Variants in VWA3B observed in about 807,000 individuals in gnomAD.
The protein encoded by VWA3B is von Willebrand factor A domain containing 3B, also known as von Willebrand factor A domain-containing protein 3B.
In VWA3B, 138 loss-of-function variants were observed where a neutral mutation model predicts 158.3. The ratio of observed to expected loss-of-function variants is 0.87; its 90% confidence interval spans 0.76 to 1.00. The LOEUF (loss-of-function observed/expected upper bound fraction) is 1.00. VWA3B is among the 50% of genes least tolerant of loss of function. The probability of loss-of-function intolerance (pLI) is 0.00; values close to 1 mark genes in which losing one functional copy is unlikely to be tolerated. For missense variants in VWA3B, 1,555 were observed against 1,565.1 expected (o/e 0.99, Z 0.11); for synonymous variants, 596 against 587.3 (o/e 1.01, Z -0.21).
chr2:98,318,056 A>AAAGT (rs1691126026), downstream of VWA3B, among the ~76,000 whole-genome samples: 2 of 152,342 alleles, frequency 1.3e-5, no homozygotes, highest in Admixed American at 6.5e-5. Flanking sequence ...GCTATTATTA[A>AAAGT]AAGTAAAGAA....
intron 7 of VWA3B, among the ~76,000 whole-genome samples, chr2:98,142,095 G>C (rs1196931542): frequency 6.6e-6 from 1 of 152,140 alleles, no homozygotes; most frequent in African/African-American, 2.4e-5. Flanking sequence ...CCACAGTTTG[G>C]AGACCCTAGG....
At chr2:98,173,080 G>A (rs1402184950) in intron 8 of VWA3B, among the ~76,000 whole-genome samples, 1 of 152,164 alleles carries the variant, frequency 6.6e-6, no homozygotes, top group African/African-American at 2.4e-5. Flanking sequence ...TTACCAACAG[G>A]ATGACTTGCA....
intron 19 of VWA3B, among the ~76,000 whole-genome samples, chr2:98,244,075 G>A (rs1341520651): frequency 1.3e-5 from 2 of 152,154 alleles, no homozygotes; most frequent in Admixed American, 6.5e-5. Flanking sequence ...GTTGTCAGGT[G>A]GAATTCGACC....
intron 12 of VWA3B, among the ~76,000 whole-genome samples, chr2:98,195,691 T>C (rs113807420): frequency 2.6e-5 from 4 of 152,274 alleles, no homozygotes; most frequent in African/African-American, 7.2e-5. Flanking sequence ...TATAATCTCA[T>C]TGCATAAAAA....
At chr2:98,134,130 C>A in intron 7 of VWA3B, 191 bp downstream of exon 7, 1 of 609,168 alleles carries the variant, frequency 1.6e-6, no homozygotes, top group Non-Finnish European at 2.9e-6. Context: ...CATAAGTTTA[C>A]AATCCAGGGA....
chr2:98,312,072 AG>A, intron 27 of VWA3B, 40 bp downstream of exon 27: 2 of 1,596,914 alleles, frequency 1.3e-6, no homozygotes, highest in Non-Finnish European at 1.7e-6. Context: ...CGCTTATCTC[AG>A]GAACACCCTG....
chr2:98,184,849 C>G (rs1308029834), intron 9 of VWA3B, among the ~76,000 whole-genome samples: 1 of 152,214 alleles, frequency 6.6e-6, no homozygotes, highest in Admixed American at 6.5e-5. Flanking sequence ...CTCCTTCTTC[C>G]CACGTCATCA....
chr2:98,278,279 T>C (rs1688652322), intron 22 of VWA3B, among the ~76,000 whole-genome samples: 1 of 152,212 alleles, frequency 6.6e-6, no homozygotes, highest in South Asian at 2.1e-4. Flanking sequence ...TGAGTACTTC[T>C]GGGTGCCGGC....
At chr2:98,111,221 C>T (rs1329539456) in intron 2 of VWA3B, among the ~76,000 whole-genome samples, 1 of 152,138 alleles carries the variant, frequency 6.6e-6, no homozygotes, top group Non-Finnish European at 1.5e-5. Flanking sequence ...TGAGTTATTT[C>T]ATTAAGAATA....
chr2:98,150,613 A>C (rs565383593), intron 7 of VWA3B, among the ~76,000 whole-genome samples: 1 of 152,272 alleles, frequency 6.6e-6, no homozygotes, highest in South Asian at 2.1e-4. Flanking sequence ...GTGGTGTCTA[A>C]AGACCCTTTT....
chr2:98,292,117 C>T (rs1049599017), intron 23 of VWA3B: 2 of 151,364 alleles, frequency 1.3e-5, no homozygotes, highest in African/African-American at 4.9e-5. Flanking sequence ...TAACCGGGCA[C>T]CTGTAGTCCC....
intron 7 of VWA3B, among the ~76,000 whole-genome samples, chr2:98,143,068 G>A (rs897697452): frequency 3.3e-5 from 5 of 152,132 alleles, no homozygotes; most frequent in African/African-American, 1.2e-4. Flanking sequence ...TTGAGAGGGA[G>A]TCTCTCTGTC....
downstream of VWA3B, among the ~76,000 whole-genome samples, chr2:98,315,672 T>C (rs1225532015): frequency 6.6e-6 from 1 of 152,138 alleles, no homozygotes; most frequent in Non-Finnish European, 1.5e-5. Flanking sequence ...CATTTCCACA[T>C]AGATGAAAAA....
At chr2:98,180,222 T>C (rs1391994449) in intron 8 of VWA3B, among the ~76,000 whole-genome samples, 1 of 151,804 alleles carries the variant, frequency 6.6e-6, no homozygotes, top group East Asian at 1.9e-4. Context: ...TTTGATGGAG[T>C]CTTGCTCTCT....
chr2:98,130,968 A>C (rs1190789800), intron 6 of VWA3B, among the ~76,000 whole-genome samples: 1 of 152,218 alleles, frequency 6.6e-6, no homozygotes, highest in Non-Finnish European at 1.5e-5. Flanking sequence ...TGAAATATAA[A>C]ATACACTGTT....
At chr2:98,262,351 G>C (rs979715508) in intron 21 of VWA3B, among the ~76,000 whole-genome samples, 5 of 151,754 alleles carry the variant, frequency 3.3e-5, no homozygotes, top group African/African-American at 1.2e-4. Flanking sequence ...ATCCAAAAAA[G>C]CTTGCCAAAT....
chr2:98,167,947 A>C (rs139670340), intron 8 of VWA3B, among the ~76,000 whole-genome samples: 2 of 152,220 alleles, frequency 1.3e-5, no homozygotes, highest in Non-Finnish European at 2.9e-5. Flanking sequence ...TTAAAGCAAG[A>C]CATGAAAAGA....
At chr2:98,246,160 A>G (rs563389444) in intron 19 of VWA3B, among the ~76,000 whole-genome samples, 1 of 152,258 alleles carries the variant, frequency 6.6e-6, no homozygotes, top group South Asian at 2.1e-4. Flanking sequence ...TAAAAGTCCT[A>G]TCTACCTTCT....
rs201469181 is a variant in VWA3B at position 98,248,879 on chromosome 2, C to A, written c.2674-1439C>A. On this transcript the variant is annotated intron_variant, in intron 19 of 27. Coordinates refer to ENST00000477737, the MANE Select transcript of VWA3B (RefSeq NM_144992.5). ...TCTTTCTTTCTTTCTTTCTTTCTTTCTTTCTCTCTTTCCTTTCTTTCTTCT... is the reference window on the plus strand; with the variant it reads ...TCTTTCTTTCTTTCTTTCTTTCTTTATTTCTCTCTTTCCTTTCTTTCTTCT... Among the ~76,000 whole-genome samples the A allele has an allele frequency of 9.6e-4, 33 of 34,472 alleles. 3 individuals carry two copies. The highest frequency in any genetic ancestry group is 4.3e-3 in the African/African-American group (30 of 6,966). The allele number at this position is 34,472 out of a possible 152,430, so 22.6% of individuals were successfully genotyped here. A position where few individuals can be genotyped will look rare whatever the true frequency, so the allele number is the denominator to read the frequency against.
Sources: allele counts gnomAD v4.1 joint callset (sites outside exome capture counted in the v4.1 genomes callset), GRCh38; gene constraint gnomAD v4.1.1; transcripts MANE v1.5; gene names NCBI Gene and HGNC (gene_info 2026-07-23, HGNC 2026-07-21).